Variants in FSIP2 observed in about 807,000 individuals in gnomAD.
FSIP2 encodes fibrous sheath-interacting protein 2.
In FSIP2, 367 loss-of-function variants were observed where a neutral mutation model predicts 510.5. That is an observed-to-expected ratio of 0.72 (90% CI 0.66 to 0.78). The LOEUF is 0.78. Ranked by LOEUF, FSIP2 falls within the 30% of genes least tolerant of loss-of-function variation. FSIP2 has a pLI of 0.00. For synonymous variants in FSIP2, 2,601 were observed against 2,732.2 expected (o/e 0.95, Z 1.50); for missense variants, 7,594 against 7,901.7 (o/e 0.96, Z 1.48).
At chr2:185,740,864 G>A (rs912899120) in intron 2 of FSIP2, among the ~76,000 whole-genome samples, 3 of 151,942 alleles carry the variant, frequency 2.0e-5, no homozygotes, top group Admixed American at 6.6e-5. Context: ...CCATCACACT[G>A]AAGATTAGGA....
chr2:185,784,768 A>ATAAG (rs1030254770), intron 14 of FSIP2, among the ~76,000 whole-genome samples: 4 of 152,132 alleles, frequency 2.6e-5, no homozygotes, highest in East Asian at 1.9e-4. Flanking sequence ...TTTTTCCTAA[A>ATAAG]TAAGTGCTCT....
In FSIP2 at chr2:185,804,085, T is replaced by C. The variant is rs1391133261; in HGVS notation, c.14779T>C (p.Tyr4927His). 5 of 1,527,780 alleles carry C rather than the reference T, an allele frequency of 3.3e-6. No individual in the cohort carries two copies. In the Admixed American group the frequency reaches 1.0e-4, roughly 30 times the overall value. 94.6% of individuals were successfully genotyped at this position (1,527,780 alleles called of 1,614,324 possible). A position where few individuals can be genotyped will look rare whatever the true frequency, so the allele number is the denominator to read the frequency against. Residue 4927 changes from tyrosine (Y) to histidine (H), a missense_variant, in exon 17 of 23, where the codon TAT (tyrosine) becomes CAT (histidine). Tyr to His is a moderately conservative substitution (Grantham distance 83). Coordinates refer to ENST00000424728, the MANE Select transcript of FSIP2 (RefSeq NM_173651.4). ...TLLLAAVDQT[Y>H]KLKAIDPKQR... ...CCTTTTGGCAGCAGTTGATCAAACT[T>C]ATAAATTGAAAGCAATAGATCCTAA... is the stretch of plus-strand genomic sequence containing the variant.
chr2:185,779,281 T>C (rs1692792570), intron 13 of FSIP2, among the ~76,000 whole-genome samples: 1 of 141,904 alleles, frequency 7.0e-6, no homozygotes, highest in South Asian at 2.4e-4. Flanking sequence ...CTTAGAGTGC[T>C]AAATTTAGTT....
chr2:185,737,182 A>T (rs1246351408), upstream of FSIP2, among the ~76,000 whole-genome samples: 1 of 152,232 alleles, frequency 6.6e-6, no homozygotes, highest in Non-Finnish European at 1.5e-5. Flanking sequence ...GTTTCTGCCC[A>T]GTGAGATTCT....
intron 17 of FSIP2, among the ~76,000 whole-genome samples, chr2:185,811,240 G>A (rs999990296): frequency 1.7e-4 from 26 of 152,156 alleles, no homozygotes; most frequent in Non-Finnish European, 3.2e-4. Flanking sequence ...GCCAAGATGG[G>A]TGGGTCACTT....
rs770356705 is a variant in FSIP2 at position 185,813,636 on chromosome 2, T to C, written c.19919T>C (p.Ile6640Thr). The C allele has an allele frequency of 1.3e-6, 2 of 1,597,660 alleles. No individual in the cohort carries two copies. Among genetic ancestry groups the C allele is most frequent in the African/African-American group, 1.4e-5 (1 of 74,030 alleles). ...LKDVQSKNDL[I>T]VRLVAHDIDQ... ...GATGTTCAAAGTAAAAATGATCTTA[T>C]TGTTCGATTAGTAGCTCATGATATT... Residue 6640 changes from isoleucine (I) to threonine (T), a missense_variant, in exon 18 of 23, where the codon ATT becomes ACT. Transcript: ENST00000424728.
intron 13 of FSIP2, among the ~76,000 whole-genome samples, chr2:185,781,861 G>GGAGTC: frequency 6.7e-6 from 1 of 148,360 alleles, no homozygotes; most frequent in South Asian, 2.1e-4. Flanking sequence ...TTTTTGAGAC[G>GGAGTC]GAGTCTTGCT....
At chr2:185,754,499 C>T (rs1273714930) in intron 8 of FSIP2, among the ~76,000 whole-genome samples, 1 of 151,448 alleles carries the variant, frequency 6.6e-6, no homozygotes, top group Non-Finnish European at 1.5e-5. Context: ...CAGAGCTTTC[C>T]TGTGTCACTC....
In FSIP2 at chr2:185,807,388, A is replaced by T. The variant is rs1693609680; in HGVS notation, c.18082A>T (p.Ile6028Leu). 2 of 1,609,260 alleles carry T rather than the reference A, an allele frequency of 1.2e-6. No homozygotes were observed. Among genetic ancestry groups the T allele is most frequent in the Middle Eastern group, 3.3e-4 (2 of 6,014 alleles). Residue 6028 changes from isoleucine to leucine, a missense_variant, in exon 17 of 23, where the codon ATA becomes TTA. By Grantham distance (5) the Ile-to-Leu change is conservative. Coordinates refer to ENST00000424728, the MANE Select transcript of FSIP2 (RefSeq NM_173651.4). ...SALFSKIFST[I>L]SSTKTKEPED... ...TCTTTTCTCCAAAATTTTCTCAACA[A>T]TATCCAGCACAAAAACAAAAGAACC...
Position 185,800,563 on chromosome 2 carries a change from C to A in FSIP2, c.11257C>A (p.Leu3753Ile), listed in dbSNP as rs140311258. The A allele has an allele frequency of 4.6e-6, 7 of 1,528,178 alleles. No homozygotes were observed. The African/African-American group carries it at 6.9e-5, about 15-fold the overall frequency. The allele number at this position is 1,528,178 out of a possible 1,614,324, so 94.7% of individuals were successfully genotyped here. A position where few individuals can be genotyped will look rare whatever the true frequency, so the allele number is the denominator to read the frequency against. ...GCTCTCCTCAAAATCAGTTTTTCTT[C>A]TCAATGTTGTATGTGAGAAACTTAT... is the stretch of plus-strand genomic sequence containing the variant. ...LQLSSKSVFL[L>I]NVVCEKLIRI... Residue 3753 changes from leucine to isoleucine, a missense_variant, in exon 17 of 23, where the codon CTC (leucine) becomes ATC (isoleucine). Leu to Ile is a conservative substitution (Grantham distance 5). Transcript: ENST00000424728.
intron 4 of FSIP2, chr2:185,745,182 T>C: frequency 3.8e-6 from 1 of 260,708 alleles, no homozygotes; most frequent in East Asian, 7.5e-5. Context: ...GTTTCTTCTC[T>C]ACTTCCTGCA....
intron 9 of FSIP2, among the ~76,000 whole-genome samples, chr2:185,759,489 T>G (rs1170378575): frequency 6.9e-6 from 1 of 144,072 alleles, no homozygotes; most frequent in East Asian, 2.0e-4. Context: ...TCACATATAT[T>G]TATATTATAT....
rs370719973 is a variant in FSIP2, at chr2:185,807,211, G to A, written c.17905G>A (p.Glu5969Lys). The change falls in exon 17 of 23, where the codon GAG (glutamate) becomes AAG (lysine). Residue 5969 changes from glutamate to lysine, a missense_variant. By Grantham distance (56) the Glu-to-Lys change is moderately conservative. Coordinates refer to ENST00000424728, the MANE Select transcript of FSIP2 (RefSeq NM_173651.4). ...TCAGGTTAACTTGATATTTTGTGATGAGGTTTCAGTTTCAGCATGTTTGCC... is the reference window on the plus strand; with the variant it reads ...TCAGGTTAACTTGATATTTTGTGATAAGGTTTCAGTTTCAGCATGTTTGCC... ...QRQVNLIFCD[E>K]VSVSACLPLE... 4 of 1,604,010 alleles carry A rather than the reference G, an allele frequency of 2.5e-6. No homozygotes were observed. Among genetic ancestry groups the A allele is most frequent in the African/African-American group, 2.7e-5 (2 of 74,348 alleles).
chr2:185,806,168 A>G lies in FSIP2; in HGVS notation c.16862A>G (p.Lys5621Arg), dbSNP rs749670986. The G allele has an allele frequency of 1.9e-6, 3 of 1,583,992 alleles. No homozygotes were observed. The highest frequency in any genetic ancestry group is 2.6e-6 in the Non-Finnish European group (3 of 1,170,668). ...GACAATGCAAGGGAAAGCTCATTTA[A>G]AAAAGATGACAAGCTCTTTCAGTTA... ...KIDNARESSF[K>R]KDDKLFQLSS... Residue 5621 changes from lysine (K) to arginine (R), a missense_variant, in exon 17 of 23, where the codon AAA becomes AGA. By Grantham distance (26) the Lys-to-Arg change is conservative. Transcript: ENST00000424728.
intron 17 of FSIP2, among the ~76,000 whole-genome samples, chr2:185,811,045 G>T (rs1229498657): frequency 6.6e-6 from 1 of 152,024 alleles, no homozygotes; most frequent in African/African-American, 2.4e-5. Flanking sequence ...TCTCATAAAT[G>T]AAACATTCAA....
chr2:185,764,373 A>T, intron 12 of FSIP2, 129 bp from the exon 13 acceptor site: 1 of 531,274 alleles, frequency 1.9e-6, no homozygotes, highest in East Asian at 3.0e-5. Flanking sequence ...ATTTCTTATA[A>T]ATTGACATTA....
chr2:185,785,791 G>A (rs1692958765), intron 14 of FSIP2, among the ~76,000 whole-genome samples: 1 of 151,996 alleles, frequency 6.6e-6, no homozygotes, highest in African/African-American at 2.4e-5. Context: ...TCTTCCTACT[G>A]TGGAATATGG....
At chr2:185,763,385 A>G (rs967036220) in intron 12 of FSIP2, 96 bp downstream of exon 12, 6 of 667,576 alleles carry the variant, frequency 9.0e-6, no homozygotes, top group African/African-American at 3.6e-5. Context: ...TTATGTAACC[A>G]TACAAAACAA....
At position 185,790,957 on chromosome 2, in the gene FSIP2, T is replaced by G. The variant is rs1254734971; in HGVS notation, c.3821T>G (p.Phe1274Cys). Residue 1274 changes from phenylalanine to cysteine, a missense_variant, in exon 16 of 23, where the codon TTT (phenylalanine) becomes TGT (cysteine). Coordinates refer to ENST00000424728, the MANE Select transcript of FSIP2 (RefSeq NM_173651.4). ...ACAATTTTTAAAAGACTGAAGTCATTTATTTGTCCAAAATTGCATATGGGC... is the reference window on the plus strand; with the variant it reads ...ACAATTTTTAAAAGACTGAAGTCATGTATTTGTCCAAAATTGCATATGGGC... ...IRTIFKRLKSFICPKLHMGFK... is the reference protein window; with the variant it reads ...IRTIFKRLKSCICPKLHMGFK... 2 of 1,526,594 alleles carry G rather than the reference T, an allele frequency of 1.3e-6. No individual in the cohort carries two copies. The highest frequency in any genetic ancestry group is 2.8e-5 in the African/African-American group (2 of 72,436). The allele number at this position is 1,526,594 out of a possible 1,614,324, so 94.6% of individuals were successfully genotyped here.
Sources: gnomAD v4.1 joint callset for allele counts (sites outside exome capture counted in the v4.1 genomes callset) on GRCh38, gnomAD v4.1.1 for gene constraint, MANE v1.5 for transcripts, NCBI Gene and HGNC (gene_info 2026-07-23, HGNC 2026-07-21) for gene names.